The following VEZT variants were observed in gnomAD, a reference collection of about 807,000 sequenced individuals.
VEZT encodes the protein vezatin, adherens junctions transmembrane protein.
In VEZT, 39 loss-of-function variants were observed where a neutral mutation model predicts 79.9. That is an observed-to-expected ratio of 0.49 (90% CI 0.38 to 0.64). The LOEUF (loss-of-function observed/expected upper bound fraction) is 0.64, where lower values mean the gene tolerates loss of function less well. VEZT is among the 30% of genes least tolerant of loss of function. The pLI is 0.00. For missense variants in VEZT, 837 were observed against 893.1 expected, an observed-to-expected ratio of 0.94 and a Z score of 0.80; for synonymous variants, 325 against 327.6, an observed-to-expected ratio of 0.99 and a Z score of 0.09.
chr12:95,278,128 A>G (rs10745720), intron 7 of VEZT, among the ~76,000 whole-genome samples: 43,592 of 152,040 alleles, frequency 0.29, 7,156 homozygotes, highest in African/African-American at 0.46. Context: ...GATAATTGCA[A>G]TGCTTGCCTC....
At chr12:95,285,222 T>A (rs1049892793) in intron 8 of VEZT, among the ~76,000 whole-genome samples, 4 of 152,046 alleles carry the variant, frequency 2.6e-5, no homozygotes, top group Non-Finnish European at 5.9e-5. Context: ...CTAGAGCAGA[T>A]TGCTGGAGCC....
intron 1 of VEZT, among the ~76,000 whole-genome samples, chr12:95,240,901 G>A (rs541423426): frequency 6.6e-6 from 1 of 152,118 alleles, no homozygotes; most frequent in African/African-American, 2.4e-5. Flanking sequence ...TAGAACTATT[G>A]ATGCTTTGGG....
At chr12:95,290,995 T>C (rs570126950) in intron 9 of VEZT, among the ~76,000 whole-genome samples, 1 of 152,228 alleles carries the variant, frequency 6.6e-6, no homozygotes, top group South Asian at 2.1e-4. Flanking sequence ...CCAGGTGCGG[T>C]GGCTCATGCC....
chr12:95,225,428 G>C (rs2058279674), intron 1 of VEZT, among the ~76,000 whole-genome samples: 2 of 152,024 alleles, frequency 1.3e-5, no homozygotes, highest in Non-Finnish European at 2.9e-5. Flanking sequence ...TTGGTGGCGG[G>C]CGCCTGTAGT....
intron 3 of VEZT, among the ~76,000 whole-genome samples, chr12:95,258,545 T>G (rs542512087): frequency 6.6e-6 from 1 of 152,262 alleles, no homozygotes; most frequent in South Asian, 2.1e-4. Flanking sequence ...TTTTTCCCCT[T>G]GATTGTGACG....
At chr12:95,249,275 A>G (rs1290765853) in intron 1 of VEZT, among the ~76,000 whole-genome samples, 1 of 152,188 alleles carries the variant, frequency 6.6e-6, no homozygotes, top group Non-Finnish European at 1.5e-5. Context: ...ATTTGAAGAA[A>G]GGGTTCTACT....
chr12:95,263,161 T>C (rs2064853809), intron 4 of VEZT, 80 bp downstream of exon 4: 1 of 1,236,840 alleles, frequency 8.1e-7, no homozygotes, highest in Non-Finnish European at 1.1e-6. Flanking sequence ...GTGCTCTCCA[T>C]TGTAAAGGCA....
intron 9 of VEZT, among the ~76,000 whole-genome samples, chr12:95,292,466 G>A (rs992032589): frequency 4.0e-5 from 6 of 151,748 alleles, no homozygotes; most frequent in African/African-American, 9.7e-5. Context: ...CATGTAATCT[G>A]TAGCAGGCAC....
chr12:95,284,115 A>G (rs921347269), intron 8 of VEZT, among the ~76,000 whole-genome samples: 2 of 152,198 alleles, frequency 1.3e-5, no homozygotes, highest in South Asian at 2.1e-4. Flanking sequence ...ATGAGCAGGA[A>G]TTGTGGATTA....
intron 9 of VEZT, among the ~76,000 whole-genome samples, chr12:95,293,301 A>G (rs958912798): frequency 6.6e-6 from 1 of 152,184 alleles, no homozygotes; most frequent in African/African-American, 2.4e-5. Flanking sequence ...CTACAAACTA[A>G]TCAGTCATTT....
intron 8 of VEZT, chr12:95,286,507 C>T: frequency 1.8e-6 from 1 of 552,464 alleles, no homozygotes; most frequent in Non-Finnish European, 3.6e-6. Context: ...GGCAATTCCT[C>T]TTGGTTTGTC....
At chr12:95,282,171 G>A in intron 7 of VEZT, 142 bp from the exon 8 acceptor site, 2 of 718,034 alleles carry the variant, frequency 2.8e-6, no homozygotes, top group Non-Finnish European at 4.4e-6. Context: ...CTAATCTTAA[G>A]GTAGTTTAAG....
chr12:95,281,933 G>GA (rs967895628), intron 7 of VEZT, among the ~76,000 whole-genome samples: 1 of 151,296 alleles, frequency 6.6e-6, no homozygotes. Flanking sequence ...TCTTTGGAGA[G>GA]AAAAAAATAT....
chr12:95,231,834 G>A (rs925398207), intron 1 of VEZT, among the ~76,000 whole-genome samples: 4 of 152,138 alleles, frequency 2.6e-5, no homozygotes, highest in African/African-American at 4.8e-5. Context: ...AAAGATAAGT[G>A]AAAAGGCTAT....
At chr12:95,286,330 C>T in intron 8 of VEZT, 1 of 432,824 alleles carries the variant, frequency 2.3e-6, no homozygotes, top group Non-Finnish European at 4.6e-6. Flanking sequence ...ACAAGAATAC[C>T]AAGTTAGTCT....
intron 8 of VEZT, among the ~76,000 whole-genome samples, chr12:95,285,300 CA>C (rs143778786): frequency 0.11 from 16,603 of 151,004 alleles, 1,307 homozygotes; most frequent in African/African-American, 0.23. Context: ...AAAAATTAGC[CA>C]GTCATGGTGG....
chr12:95,219,426 A>G (rs2057230276), intron 1 of VEZT, among the ~76,000 whole-genome samples: 1 of 152,152 alleles, frequency 6.6e-6, no homozygotes, highest in African/African-American at 2.4e-5. Flanking sequence ...TAGCCTCTAT[A>G]TTAAGACACA....
intron 9 of VEZT, among the ~76,000 whole-genome samples, chr12:95,291,684 C>T (rs2072864846): frequency 6.6e-6 from 1 of 152,178 alleles, no homozygotes; most frequent in African/African-American, 2.4e-5. Flanking sequence ...GGGATAAGGT[C>T]TTCAGGGAGC....
intron 1 of VEZT, among the ~76,000 whole-genome samples, chr12:95,226,335 A>G (rs1438333493): frequency 6.6e-6 from 1 of 152,078 alleles, no homozygotes; most frequent in Non-Finnish European, 1.5e-5. Flanking sequence ...TGAACAAGCC[A>G]AGCCAATTTA....
Sources: allele counts gnomAD v4.1 joint callset (sites outside exome capture counted in the v4.1 genomes callset), GRCh38; gene constraint gnomAD v4.1.1; transcripts MANE v1.5; gene names NCBI Gene and HGNC (gene_info 2026-07-23, HGNC 2026-07-21).